The following PITPNM3 variants were observed in gnomAD, a reference collection of about 807,000 sequenced individuals.
PITPNM3 encodes membrane-associated phosphatidylinositol transfer protein 3.
PITPNM3 carries 26 observed loss-of-function variants against 102.0 expected under a neutral mutation model. That is an observed-to-expected ratio of 0.25 (90% CI 0.19 to 0.35). The LOEUF (loss-of-function observed/expected upper bound fraction) is 0.35. PITPNM3 is among the 10% of genes least tolerant of loss of function. The pLI, the probability that PITPNM3 is intolerant of heterozygous loss-of-function variation, is 1.00. For missense variants in PITPNM3, 1,083 were observed against 1,346.1 expected, an observed-to-expected ratio of 0.80 and a Z score of 3.06; for synonymous variants, 578 against 558.6, an observed-to-expected ratio of 1.03 and a Z score of -0.49.
At chr17:6,492,399 A>G (rs1906544185) in intron 4 of PITPNM3, among the ~76,000 whole-genome samples, 1 of 152,110 alleles carries the variant, frequency 6.6e-6, no homozygotes, top group Admixed American at 6.6e-5. Flanking sequence ...ACAACCTCCT[A>G]TTTTAGTCAA....
rs1222776249 is a variant in PITPNM3 at position 6,478,110 on chromosome 17, C to T, written c.778-13G>A. The T allele has an allele frequency of 1.9e-6, 3 of 1,612,840 alleles. No homozygotes were observed. The highest frequency in any genetic ancestry group is 1.6e-4 in the Middle Eastern group (1 of 6,062). On this transcript the variant is annotated splice_polypyrimidine_tract_variant and intron_variant, in intron 7 of 19. Transcript: ENST00000262483. This position sits in a 1 kb window ranked among gnomAD's most constrained non-coding sequence, Gnocchi z 4.4. ...CGATGAGACACACCTGGAAGAGATG[C>T]AGCTGGGACTGCAGGCCTGCCCACT...
In PITPNM3 at chr17:6,461,385, G is replaced by T; in HGVS notation, c.2478C>A (p.Asn826Lys). The change falls in exon 18 of 20, where the codon AAC becomes AAA. Residue 826 changes from asparagine to lysine, a missense_variant. Around this residue, in one of 5 missense-constraint regions of PITPNM3, gnomAD observed 410 missense variants for 638.4 expected, o/e 0.64. Transcript: ENST00000262483. ...PLRQKAIFLR[N>K]LMQECFIKIS... The stretch of plus-strand genomic sequence containing the variant: ...GATGGCCACTCACCTCCTGCATGAG[G>T]TTGCGCAGGAAGATGGCCTTCTGCC... 6.2e-7 allele frequency: 1 copy of T among 1,614,104 alleles called. No individual in the cohort carries two copies. The highest frequency in any genetic ancestry group is 8.5e-7 in the Non-Finnish European group (1 of 1,180,030).
chr17:6,501,433 A>G (rs780017054), intron 4 of PITPNM3, among the ~76,000 whole-genome samples: 10 of 152,042 alleles, frequency 6.6e-5, no homozygotes, highest in Non-Finnish European at 1.5e-4. Flanking sequence ...CATATCCCCA[A>G]CCACCTTCTC....
Position 6,455,296 on chromosome 17 carries a change from T to A in PITPNM3, c.*42A>T. ...CCCCCTCCCGTCCCCGCAGGCAGCC[T>A]GATTGGGCCCCCCGCTCCCTGCTCT... On this transcript the variant is annotated 3_prime_UTR_variant, in exon 20 of 20. Coordinates refer to ENST00000262483, the MANE Select transcript of PITPNM3 (RefSeq NM_031220.4). 1 of 1,531,590 alleles carries A rather than the reference T, an allele frequency of 6.5e-7. No homozygotes were observed. The allele number at this position is 1,531,590 out of a possible 1,614,324, so 94.9% of individuals were successfully genotyped here. A position where few individuals can be genotyped will look rare whatever the true frequency, so the allele number is the denominator to read the frequency against.
intron 4 of PITPNM3, among the ~76,000 whole-genome samples, chr17:6,494,749 CA>C (rs1906701270): frequency 6.6e-6 from 1 of 152,194 alleles, no homozygotes; most frequent in South Asian, 2.1e-4. Context: ...GGCCATTTGG[CA>C]ATGTCATTCA....
rs766201159 is a variant in PITPNM3, at chr17:6,517,811, C to T, written c.226+7545G>A. On this transcript the variant is annotated intron_variant, in intron 3 of 19. Transcript: ENST00000262483. This position sits in a 1 kb window ranked among gnomAD's most constrained non-coding sequence, Gnocchi z 4.1. ...CTGGGCTCAAGCGATCCTCCCACCT[C>T]GGCCTCCCAAAGTATTGGGATTACA... is the stretch of plus-strand genomic sequence containing the variant. Among the ~76,000 whole-genome samples the T allele has an allele frequency of 1.2e-4, 18 of 152,148 alleles. No homozygotes were observed. Among genetic ancestry groups the T allele is most frequent in the Non-Finnish European group, 2.1e-4 (14 of 68,026 alleles).
chr17:6,477,558 C>T (rs8070214), intron 8 of PITPNM3, among the ~76,000 whole-genome samples: 76,693 of 151,772 alleles, frequency 0.51, 21,174 homozygotes, highest in Middle Eastern at 0.64. Flanking sequence ...CTTTTTTTTC[C>T]TTTTTGAAAC....
rs527735016 is a variant in PITPNM3 at position 6,477,139 on chromosome 17, G to T, written c.975C>A (p.Ile325=). Residue 325 remains isoleucine, a synonymous_variant, in exon 9 of 20, where the codon ATC becomes ATA. Coordinates refer to ENST00000262483, the MANE Select transcript of PITPNM3 (RefSeq NM_031220.4). ...GCTCCTCATCCTCCAACCCACTGGA[G>T]ATGTCAATGTTGCTTTTGCTGAGAC... ...SKRLSKSNID[I]SSGLEDEEPK... The T allele has an allele frequency of 6.2e-7, 1 of 1,614,212 alleles. No homozygotes were observed. Among genetic ancestry groups the T allele is most frequent in the South Asian group, 1.1e-5 (1 of 91,078 alleles).
chr17:6,480,064 G>T (rs7208183), intron 6 of PITPNM3: 78,390 of 152,096 alleles, frequency 0.52, 21,744 homozygotes, highest in Middle Eastern at 0.64. Flanking sequence ...AAGGGAACAT[G>T]CTGCGCCACC....
At position 6,556,265 on chromosome 17, in the gene PITPNM3, C is replaced by G. The variant is rs1274031091; in HGVS notation, c.22+120G>C. On this transcript the variant is annotated intron_variant, in intron 1 of 19. Coordinates refer to ENST00000262483, the MANE Select transcript of PITPNM3 (RefSeq NM_031220.4). This position sits in a 1 kb window ranked among gnomAD's most constrained non-coding sequence, Gnocchi z 5.2. Reference sequence around the variant, plus strand: ...GGTCCAGCCCCGCTACCGCCCCCTACGCCCTCCCGGGACCTCCGCCCACCT... The same window carrying G: ...GGTCCAGCCCCGCTACCGCCCCCTAGGCCCTCCCGGGACCTCCGCCCACCT... 1.2e-6 allele frequency: 1 copy of G among 803,424 alleles called. No homozygotes were observed. The allele number at this position is 803,424 out of a possible 1,614,324, so 49.8% of individuals were successfully genotyped here.
At chr17:6,540,861 G>C (rs1909694659) in intron 1 of PITPNM3, among the ~76,000 whole-genome samples, 1 of 152,160 alleles carries the variant, frequency 6.6e-6, no homozygotes, top group African/African-American at 2.4e-5. Context: ...GTTTCACCAT[G>C]TTGGCTAGGC....
intron 1 of PITPNM3, among the ~76,000 whole-genome samples, chr17:6,541,614 T>A (rs1402235547): frequency 6.6e-6 from 1 of 151,960 alleles, no homozygotes; most frequent in Non-Finnish European, 1.5e-5. Flanking sequence ...AGGAGGGGAA[T>A]ACAGATGCTG....
At chr17:6,534,810 G>A (rs567991756) in intron 2 of PITPNM3, among the ~76,000 whole-genome samples, 12 of 152,226 alleles carry the variant, frequency 7.9e-5, no homozygotes, top group South Asian at 4.1e-4. Flanking sequence ...GGATCACGAC[G>A]GCGGTTATGG....
In PITPNM3 at chr17:6,469,125, T is replaced by A. The variant is rs537805324; in HGVS notation, c.1774-784A>T. Among the ~76,000 whole-genome samples the A allele has an allele frequency of 6.6e-6, 1 of 152,252 alleles. No homozygotes were observed. Among genetic ancestry groups the A allele is most frequent in the Non-Finnish European group, 1.5e-5 (1 of 68,020 alleles). On this transcript the variant is annotated intron_variant, in intron 13 of 19. Transcript: ENST00000262483. This position sits in a 1 kb window ranked among gnomAD's most constrained non-coding sequence, Gnocchi z 4.0. ...CTCCCTGGGGGAGCTCCAGGACTCATCCCTGAACTTCCCTCTCTGTAGGAG... is the reference window on the plus strand; with the variant it reads ...CTCCCTGGGGGAGCTCCAGGACTCAACCCTGAACTTCCCTCTCTGTAGGAG...
chr17:6,542,080 G>A (rs182937175), intron 1 of PITPNM3, among the ~76,000 whole-genome samples: 6 of 152,254 alleles, frequency 3.9e-5, no homozygotes, highest in Admixed American at 1.3e-4. Flanking sequence ...TCCATTGCCC[G>A]CTCTCTTGGA....
intron 4 of PITPNM3, among the ~76,000 whole-genome samples, chr17:6,493,277 G>C (rs1415271369): frequency 2.0e-5 from 3 of 152,158 alleles, no homozygotes; most frequent in Non-Finnish European, 4.4e-5. Context: ...CCCTGCTGAG[G>C]GTATGTCTGA....
At position 6,540,465 on chromosome 17, in the gene PITPNM3, T is replaced by C. The variant is rs142484805; in HGVS notation, c.23-2383A>G. ...GATCTGTACTTCCGTGGGGAGAAAA[T>C]GGTTGGGGAAACTCAGCCTCAGACA... On this transcript the variant is annotated intron_variant, in intron 1 of 19. Transcript: ENST00000262483. 6.9e-3 allele frequency among the ~76,000 whole-genome samples: 1,031 copies of C among 150,416 alleles called. 4 individuals are homozygous for C. The highest frequency in any genetic ancestry group is 9.8e-3 in the Non-Finnish European group (658 of 67,412).
intron 4 of PITPNM3, among the ~76,000 whole-genome samples, chr17:6,501,740 C>T (rs1279980099): frequency 1.3e-5 from 2 of 152,148 alleles, no homozygotes; most frequent in African/African-American, 4.8e-5. Context: ...GAGGTGGAGG[C>T]GCCTGTGACA....
intron 3 of PITPNM3, among the ~76,000 whole-genome samples, chr17:6,505,276 G>C (rs1159873773): frequency 5.9e-5 from 9 of 151,408 alleles, no homozygotes; most frequent in African/African-American, 2.2e-4. Flanking sequence ...GGATGGCTCT[G>C]ATTCTTGTTT....
Sources: allele counts gnomAD v4.1 joint callset (sites outside exome capture counted in the v4.1 genomes callset), GRCh38; gene constraint gnomAD v4.1.1; regional missense constraint gnomAD v4.1.1; non-coding constraint Gnocchi (gnomAD v3.1); transcripts MANE v1.5; gene names NCBI Gene and HGNC (gene_info 2026-07-23, HGNC 2026-07-21).